The following SEL1L3 variants were observed in gnomAD, a reference collection of about 807,000 sequenced individuals.
The protein encoded by SEL1L3 is protein sel-1 homolog 3.
A neutral mutation model predicts 142.8 loss-of-function variants in SEL1L3; 76 were observed. The ratio of observed to expected loss-of-function variants is 0.53; its 90% confidence interval spans 0.44 to 0.64. The LOEUF (loss-of-function observed/expected upper bound fraction) is 0.64. Ranked by LOEUF, SEL1L3 falls within the 30% of genes least tolerant of loss-of-function variation. The probability of loss-of-function intolerance (pLI) is 0.00; values close to 1 mark genes in which losing one functional copy is unlikely to be tolerated. For synonymous variants in SEL1L3, 504 were observed against 519.6 expected, an observed-to-expected ratio of 0.97 and a Z score of 0.41; for missense variants, 1,262 against 1,381.7, an observed-to-expected ratio of 0.91 and a Z score of 1.37.
chr4:25,769,616 C>T (rs889719649), intron 17 of SEL1L3, among the ~76,000 whole-genome samples: 1 of 152,140 alleles, frequency 6.6e-6, no homozygotes, highest in Non-Finnish European at 1.5e-5. Context: ...AGCAGAAAGT[C>T]CCCCTCATTC....
intron 10 of SEL1L3, among the ~76,000 whole-genome samples, chr4:25,803,817 C>T (rs540230273): frequency 2.0e-5 from 3 of 151,536 alleles, no homozygotes; most frequent in African/African-American, 7.3e-5. Context: ...TTTTTTCCTG[C>T]CCTTGGACTG....
the SEL1L3 span, among the ~76,000 whole-genome samples, chr4:25,735,717 T>G: frequency 1.3e-5 from 2 of 151,964 alleles, no homozygotes; most frequent in African/African-American, 4.8e-5. Context: ...TTTTATTTTT[T>G]TTTCTTTTTA....
At chr4:25,818,795 T>A (rs1279145803) in intron 8 of SEL1L3, among the ~76,000 whole-genome samples, 1 of 152,178 alleles carries the variant, frequency 6.6e-6, no homozygotes, top group Non-Finnish European at 1.5e-5. Flanking sequence ...GCATCATATT[T>A]TCCGGATGAT....
At chr4:25,820,055 G>T (rs915797216) in intron 7 of SEL1L3, 115 bp from the exon 8 acceptor site, 2 of 943,244 alleles carry the variant, frequency 2.1e-6, no homozygotes, top group East Asian at 5.3e-5. Context: ...CAGGTGGCTC[G>T]TTTGTACACA....
chr4:25,786,718 GC>G (rs1711870524), intron 13 of SEL1L3, among the ~76,000 whole-genome samples: 1 of 152,206 alleles, frequency 6.6e-6, no homozygotes, highest in Admixed American at 6.5e-5. Context: ...GCATTGGTCA[GC>G]CCTGAATGGA....
chr4:25,839,809 G>A (rs956963092), intron 2 of SEL1L3, among the ~76,000 whole-genome samples: 5 of 127,804 alleles, frequency 3.9e-5, no homozygotes, highest in South Asian at 2.8e-4. Flanking sequence ...TTTCGTCTAC[G>A]AAAGAAAAGA....
chr4:25,807,424 A>G (rs1713665352), intron 9 of SEL1L3, among the ~76,000 whole-genome samples: 2 of 152,152 alleles, frequency 1.3e-5, no homozygotes, highest in African/African-American at 2.4e-5. Context: ...TTTAGTTGTA[A>G]TAAGAACGTG....
intron 10 of SEL1L3, among the ~76,000 whole-genome samples, chr4:25,803,090 TGGACACGGG>T (rs1713299099): frequency 6.6e-6 from 1 of 152,214 alleles, no homozygotes; most frequent in Non-Finnish European, 1.5e-5. Flanking sequence ...ACATCATCGA[TGGACACGGG>T]GTCTGGATGG....
At chr4:25,782,145 G>A (rs1487023281) in intron 15 of SEL1L3, 97 bp downstream of exon 15, 1 of 1,059,822 alleles carries the variant, frequency 9.4e-7, no homozygotes, top group Admixed American at 2.1e-5. Context: ...CAGGGACTGT[G>A]TCTGGGGTTG....
chr4:25,793,700 A>T (rs1712515394), intron 11 of SEL1L3, among the ~76,000 whole-genome samples: 1 of 152,026 alleles, frequency 6.6e-6, no homozygotes, highest in African/African-American at 2.4e-5. Context: ...TTTATCTGAG[A>T]CTCAGTTTCT....
At chr4:25,735,898 C>G in the SEL1L3 span, among the ~76,000 whole-genome samples, 1 of 143,328 alleles carries the variant, frequency 7.0e-6, no homozygotes, top group African/African-American at 2.6e-5. Context: ...GACCCGATCT[C>G]AGCTCACTGC....
Position 25,779,141 on chromosome 4 carries a change from C to T in SEL1L3, c.2520G>A (p.Trp840Ter), listed in dbSNP as rs764588168. ...AQGGHMEGTLWCSLYYITGNL... is the reference protein window; with the variant it reads ...AQGGHMEGTL ...TGCCTGTGATATAGTAGAGAGAACA[C>T]CACAAGGTCCCTTCCATGTGTCCAC... Residue 840 changes from tryptophan to a stop codon, truncating the protein, a stop_gained, in exon 16 of 24, where the codon TGG becomes TGA. Coordinates refer to ENST00000399878, the MANE Select transcript of SEL1L3 (RefSeq NM_015187.5). LOFTEE classifies it high-confidence loss of function. 3 of 1,613,508 alleles carry T rather than the reference C, an allele frequency of 1.9e-6. No homozygotes were observed. The highest frequency in any genetic ancestry group is 2.5e-6 in the Non-Finnish European group (3 of 1,179,514).
At chr4:25,777,683 G>A (rs1004904336) in intron 16 of SEL1L3, 3 of 380,028 alleles carry the variant, frequency 7.9e-6, no homozygotes, top group South Asian at 4.0e-5. Context: ...TCATTAACAA[G>A]AGGATAACAG....
intron 11 of SEL1L3, 95 bp downstream of exon 11, chr4:25,802,188 G>A (rs1464155384): frequency 3.6e-6 from 4 of 1,124,672 alleles, no homozygotes; most frequent in East Asian, 5.0e-5. Flanking sequence ...TTCAACCTCT[G>A]AAGGCCAACT....
chr4:25,796,971 AG>A (rs1006171319), intron 11 of SEL1L3, among the ~76,000 whole-genome samples: 2 of 151,076 alleles, frequency 1.3e-5, no homozygotes, highest in African/African-American at 4.9e-5. Flanking sequence ...AGAGAGAAGA[AG>A]GGGTAGGAAG....
chr4:25,740,707 G>A, the SEL1L3 span, among the ~76,000 whole-genome samples: 1 of 152,134 alleles, frequency 6.6e-6, no homozygotes, highest in Non-Finnish European at 1.5e-5. Flanking sequence ...TTGTTCACCT[G>A]TTTACTCTGC....
rs1713407283 is a variant in SEL1L3, at chr4:25,804,399, C to G, written c.1776+142G>C. 6.0e-6 allele frequency: 4 copies of G among 662,596 alleles called. No individual in the cohort carries two copies. The Admixed American group carries it at 7.6e-5, about 13-fold the overall frequency. 41.0% of individuals were successfully genotyped at this position (662,596 alleles called of 1,614,324 possible). On this transcript the variant is annotated intron_variant, in intron 10 of 23. Transcript: ENST00000399878. ...AAAGGATCCTGTATTTAACACAGCC[C>G]CAGGACATTTATCTTGAGTGTAAAG...
intron 6 of SEL1L3, among the ~76,000 whole-genome samples, chr4:25,824,356 C>A (rs1438729656): frequency 6.6e-6 from 1 of 152,202 alleles, no homozygotes; most frequent in Non-Finnish European, 1.5e-5. Flanking sequence ...CTTACAGCAT[C>A]CGGGATGCTC....
At chr4:25,816,801 T>C (rs996540591) in intron 9 of SEL1L3, among the ~76,000 whole-genome samples, 4 of 152,142 alleles carry the variant, frequency 2.6e-5, no homozygotes, top group African/African-American at 9.7e-5. Context: ...TCATGCGACA[T>C]GCTGTGCTGT....
Sources: allele counts gnomAD v4.1 joint callset (sites outside exome capture counted in the v4.1 genomes callset), GRCh38; gene constraint gnomAD v4.1.1; transcripts MANE v1.5; gene names NCBI Gene and HGNC (gene_info 2026-07-23, HGNC 2026-07-21).